Variants in SYT16 observed in about 807,000 individuals in gnomAD.
SYT16 encodes synaptotagmin-16.
SYT16 carries 42 observed loss-of-function variants against 61.4 expected under a neutral mutation model. The ratio of observed to expected loss-of-function variants is 0.68; its 90% CI spans 0.53 to 0.89. SYT16 has a LOEUF of 0.89. SYT16 is among the 40% of genes least tolerant of loss of function. The pLI, the probability that SYT16 is intolerant of heterozygous loss-of-function variation, is 0.00. For synonymous variants in SYT16, 314 were observed against 302.3 expected (o/e 1.04, Z -0.40); for missense variants, 804 against 807.3 (o/e 1.00, Z 0.05).
At chr14:62,091,371 A>C (rs1243499973) in intron 7 of SYT16, among the ~76,000 whole-genome samples, 2 of 152,236 alleles carry the variant, frequency 1.3e-5, no homozygotes, top group African/African-American at 4.8e-5. Context: ...ATTAGAAGGA[A>C]GTAATGGGAA....
chr14:62,082,867 C>G (rs1375885548), intron 6 of SYT16, among the ~76,000 whole-genome samples: 4 of 152,164 alleles, frequency 2.6e-5, no homozygotes, highest in African/African-American at 9.7e-5. Context: ...CTTTCATTCA[C>G]CAGTTATTTG....
At chr14:62,011,912 TACACAC>T (rs71449574) in intron 3 of SYT16, among the ~76,000 whole-genome samples, 15 of 83,610 alleles carry the variant, frequency 1.8e-4, no homozygotes, top group African/African-American at 6.8e-4. Flanking sequence ...CACATATATA[TACACAC>T]ACACACACAT....
chr14:61,850,940 G>T (rs549884068), intron 1 of SYT16, among the ~76,000 whole-genome samples: 95 of 152,124 alleles, frequency 6.2e-4, no homozygotes, highest in Non-Finnish European at 9.9e-4. Flanking sequence ...ACATGTACAA[G>T]ATGTGCAGGT....
chr14:61,834,957 C>T (rs17099250), intron 1 of SYT16, among the ~76,000 whole-genome samples: 21,869 of 152,140 alleles, frequency 0.14, 1,662 homozygotes, highest in African/African-American at 0.2. Flanking sequence ...ATATTTGTTT[C>T]CAAAGCACTT....
intron 1 of SYT16, among the ~76,000 whole-genome samples, chr14:61,845,039 CT>C (rs35131511): frequency 0.049 from 4,757 of 97,414 alleles, 88 homozygotes; most frequent in African/African-American, 0.072. Context: ...TACTAGAAGA[CT>C]TTTTTTTTTT....
At chr14:61,928,852 A>C (rs1242751697) in intron 1 of SYT16, among the ~76,000 whole-genome samples, 3 of 152,202 alleles carry the variant, frequency 2.0e-5, no homozygotes, top group Non-Finnish European at 4.4e-5. Flanking sequence ...AAGTACATAA[A>C]TATGGATAAA....
chr14:61,992,733 C>T (rs2052602739), intron 2 of SYT16, among the ~76,000 whole-genome samples: 1 of 151,940 alleles, frequency 6.6e-6, no homozygotes, highest in Admixed American at 6.6e-5. Flanking sequence ...CAAATGCATC[C>T]AGGGGTCGGG....
intron 1 of SYT16, among the ~76,000 whole-genome samples, chr14:61,941,185 G>A (rs2050194535): frequency 6.6e-6 from 1 of 152,142 alleles, no homozygotes; most frequent in Admixed American, 6.5e-5. Context: ...ACAAACGCCA[G>A]CCTCTTTCCC....
Position 61,813,658 on chromosome 14 carries a change from T to G in SYT16, c.-325+848T>G, listed in dbSNP as rs564103499. 1.4e-4 allele frequency among the ~76,000 whole-genome samples: 21 copies of G among 152,106 alleles called. No homozygotes were observed. The South Asian group carries it at 4.2e-3, about 30-fold the overall frequency. ...GCTCAGGCCTGTAATCCCAGCACTT[T>G]GGGAGGCCGAGGCGGGAGGATCACT... On this transcript the variant is annotated intron_variant, in intron 1 of 7. Coordinates refer to ENST00000683842, the MANE Select transcript of SYT16 (RefSeq NM_001367656.1).
chr14:62,094,863 T>A (rs755021643), intron 7 of SYT16, among the ~76,000 whole-genome samples: 1 of 151,964 alleles, frequency 6.6e-6, no homozygotes, highest in Non-Finnish European at 1.5e-5. Flanking sequence ...TTTATAGGGA[T>A]CTTTGATCAA....
At chr14:62,049,022 G>A (rs1255698679) in intron 3 of SYT16, among the ~76,000 whole-genome samples, 1 of 152,226 alleles carries the variant, frequency 6.6e-6, no homozygotes, top group Admixed American at 6.5e-5. Flanking sequence ...TTCAATTCCT[G>A]GATATCCTTG....
At chr14:62,019,436 T>C (rs1202204008) in intron 3 of SYT16, among the ~76,000 whole-genome samples, 1 of 152,228 alleles carries the variant, frequency 6.6e-6, no homozygotes, top group Non-Finnish European at 1.5e-5. Flanking sequence ...ACTTTCTTGC[T>C]GTGTACCTGT....
rs191207026 is a variant in SYT16, at chr14:61,906,199, G to A, written c.-324-63933G>A. ...GAGACAGCCAATTTCCTCAGAGAAA[G>A]GGAGAGGGCTGTGTCTACTGGTGAA... On this transcript the variant is annotated intron_variant, in intron 1 of 7. Coordinates refer to ENST00000683842, the MANE Select transcript of SYT16 (RefSeq NM_001367656.1). 8.5e-5 allele frequency among the ~76,000 whole-genome samples: 13 copies of A among 152,360 alleles called. No individual in the cohort carries two copies. In the East Asian group the frequency reaches 2.3e-3, roughly 27 times the overall value.
chr14:61,845,898 A>G (rs543977238), intron 1 of SYT16, among the ~76,000 whole-genome samples: 2 of 152,266 alleles, frequency 1.3e-5, no homozygotes, highest in South Asian at 4.1e-4. Flanking sequence ...TTGTTTCAAG[A>G]AAATTTTCAA....
intron 1 of SYT16, among the ~76,000 whole-genome samples, chr14:61,928,813 C>T (rs973647220): frequency 6.6e-6 from 1 of 152,176 alleles, no homozygotes. Flanking sequence ...TAACACACAG[C>T]TTGTTCTCAG....
chr14:61,847,378 T>C (rs914047795), intron 1 of SYT16, among the ~76,000 whole-genome samples: 2 of 152,232 alleles, frequency 1.3e-5, no homozygotes, highest in African/African-American at 4.8e-5. Flanking sequence ...CATGCCATTC[T>C]CTCCTGACCT....
At chr14:62,076,786 A>G (rs2056512949) in intron 5 of SYT16, among the ~76,000 whole-genome samples, 1 of 152,174 alleles carries the variant, frequency 6.6e-6, no homozygotes, top group Admixed American at 6.5e-5. Flanking sequence ...AAACAGACCA[A>G]ATGATTTGCC....
chr14:61,844,690 G>A (rs1305612559), intron 1 of SYT16, among the ~76,000 whole-genome samples: 1 of 152,140 alleles, frequency 6.6e-6, no homozygotes, highest in Non-Finnish European at 1.5e-5. Context: ...CACACTGACT[G>A]ATTTGCATAT....
intron 7 of SYT16, among the ~76,000 whole-genome samples, chr14:62,099,035 G>A (rs1468181155): frequency 2.0e-5 from 3 of 152,160 alleles, no homozygotes; most frequent in Non-Finnish European, 4.4e-5. Context: ...GAAGTTCAAT[G>A]TAGTAGAATG....
Sources: gnomAD v4.1 joint callset for allele counts (sites outside exome capture counted in the v4.1 genomes callset) on GRCh38, gnomAD v4.1.1 for gene constraint, MANE v1.5 for transcripts, NCBI Gene and HGNC (gene_info 2026-07-23, HGNC 2026-07-21) for gene names.